ALG6: variants seen among roughly 807,000 people sequenced by gnomAD.
ALG6 encodes dolichyl pyrophosphate Man9GlcNAc2 alpha-1,3-glucosyltransferase.
ALG6 carries 46 observed loss-of-function variants against 66.6 expected under a neutral mutation model. The ratio of observed to expected loss-of-function variants is 0.69; its 90% CI spans 0.55 to 0.88. ALG6 has a LOEUF of 0.88. ALG6 is among the 40% of genes least tolerant of loss of function. The pLI, the probability that ALG6 is intolerant of heterozygous loss-of-function variation, is 0.00. For missense variants in ALG6, 505 were observed against 586.8 expected (o/e 0.86, Z 1.44); for synonymous variants, 185 against 203.7 (o/e 0.91, Z 0.78).
At chr1:63,420,407 A>G (rs890333065) in intron 12 of ALG6, among the ~76,000 whole-genome samples, 3 of 152,182 alleles carry the variant, frequency 2.0e-5, no homozygotes, top group Non-Finnish European at 2.9e-5. Context: ...CAGAATTTAT[A>G]CTCATAGAAA....
intron 12 of ALG6, among the ~76,000 whole-genome samples, chr1:63,427,167 ATTTTTTT>A (rs534868219): frequency 3.0e-5 from 4 of 134,294 alleles, no homozygotes; most frequent in African/African-American, 8.3e-5. Context: ...TGTCCAGCTA[ATTTTTTT>A]TTTTTTTTTT....
At chr1:63,431,234 A>G (rs1644643653) in intron 14 of ALG6, among the ~76,000 whole-genome samples, 1 of 152,070 alleles carries the variant, frequency 6.6e-6, no homozygotes, top group African/African-American at 2.4e-5. Context: ...TGTTTACTGT[A>G]GCTTTGTAGT....
chr1:63,368,501 C>CT (rs869085139), intron 1 of ALG6, among the ~76,000 whole-genome samples: 2,284 of 145,812 alleles, frequency 0.016, 20 homozygotes, highest in Non-Finnish European at 0.022. Flanking sequence ...TCCTTTTACA[C>CT]TTTTTTTTTT....
rs1214113317 is a variant in ALG6, at chr1:63,400,323, A to G, written c.168-1931A>G. On this transcript the variant is annotated intron_variant, in intron 3 of 14. Transcript: ENST00000263440. The stretch of plus-strand genomic sequence containing the variant: ...TATATATATGTATATATATATACGT[A>G]TATATATATATACGTATATATATAT... Among the ~76,000 whole-genome samples, 34 of 33,606 alleles carry G rather than the reference A, an allele frequency of 1.0e-3. 9 individuals are homozygous for G. In the South Asian group the frequency reaches 0.032, roughly 32 times the overall value. The allele number at this position is 33,606 out of a possible 152,430, so 22.0% of individuals were successfully genotyped here.
At position 63,436,596 on chromosome 1, in the gene ALG6, A is replaced by G. The variant is rs372631498; in HGVS notation, c.1327-227A>G. 5.0e-4 allele frequency among the ~76,000 whole-genome samples: 76 copies of G among 152,224 alleles called. No homozygotes were observed. In the South Asian group the frequency reaches 0.015, roughly 30 times the overall value. ...ATGGGAATCACTTGGAGAGCTTTAA[A>G]AAGTACTGAGGCCTGATTTAATTGG... On this transcript the variant is annotated intron_variant, in intron 14 of 14. Transcript: ENST00000263440.
intron 2 of ALG6, among the ~76,000 whole-genome samples, chr1:63,394,648 G>A (rs1053709261): frequency 1.3e-5 from 2 of 152,028 alleles, no homozygotes; most frequent in African/African-American, 2.4e-5. Flanking sequence ...GATTACAGGC[G>A]TGAGCCACCA....
intron 2 of ALG6, among the ~76,000 whole-genome samples, chr1:63,371,556 T>C (rs1188861558): frequency 6.6e-6 from 1 of 152,146 alleles, no homozygotes; most frequent in Non-Finnish European, 1.5e-5. Flanking sequence ...CTTCTAAAAA[T>C]ACAAGATGAA....
At chr1:63,379,419 C>G (rs1360042115) in intron 2 of ALG6, among the ~76,000 whole-genome samples, 1 of 152,178 alleles carries the variant, frequency 6.6e-6, no homozygotes, top group East Asian at 1.9e-4. Flanking sequence ...TACCAGGAGC[C>G]AAGGCCGAGA....
At position 63,422,327 on chromosome 1, in the gene ALG6, ATATC is replaced by A. The variant is rs1220335028; in HGVS notation, c.1058+2891_1058+2894del. On this transcript the variant is annotated intron_variant, in intron 12 of 14. Transcript: ENST00000263440. ...TAAATATATATCTATATATGAATAT[ATATC>A]TATAGGAATATAAATATATATCTAT... Among the ~76,000 whole-genome samples, 57 of 118,116 alleles carry A rather than the reference ATATC, an allele frequency of 4.8e-4. 8 individuals are homozygous for A. Among genetic ancestry groups the A allele is most frequent in the African/African-American group, 1.5e-3 (43 of 29,340 alleles). The allele number at this position is 118,116 out of a possible 152,430, so 77.5% of individuals were successfully genotyped here.
Position 63,435,264 on chromosome 1 carries a change from G to A in ALG6, c.1327-1559G>A, listed in dbSNP as rs535796036. Among the ~76,000 whole-genome samples, 6 of 152,272 alleles carry A rather than the reference G, an allele frequency of 3.9e-5. No homozygotes were observed. The East Asian group carries it at 9.6e-4, about 24-fold the overall frequency. ...TTCTGTTTAACACTGACTCAAGATC[G>A]TGGTATTATGACATTTCAACCAGTC... On this transcript the variant is annotated intron_variant, in intron 14 of 14. Coordinates refer to ENST00000263440, the MANE Select transcript of ALG6 (RefSeq NM_013339.4).
At chr1:63,372,350 GATATATACACAGACACAT>G (rs1647956126) in intron 2 of ALG6, among the ~76,000 whole-genome samples, 1 of 152,090 alleles carries the variant, frequency 6.6e-6, no homozygotes, top group South Asian at 2.1e-4. Flanking sequence ...TAAGAGCTAT[GATATATACACAGACACAT>G]ATATATACAC....
At chr1:63,415,844 C>T (rs974511702) in intron 10 of ALG6, 29 bp from the exon 11 acceptor site, 2 of 1,465,570 alleles carry the variant, frequency 1.4e-6, no homozygotes, top group Non-Finnish European at 1.9e-6. Context: ...ACAAAGAAGA[C>T]AAATATTTGA....
At chr1:63,399,471 G>A (rs1370968068) in intron 3 of ALG6, among the ~76,000 whole-genome samples, 3 of 152,152 alleles carry the variant, frequency 2.0e-5, no homozygotes, top group East Asian at 3.8e-4. Flanking sequence ...TGTCTACCAC[G>A]ACAGTATAGC....
chr1:63,398,639 A>AT (rs373335834), intron 3 of ALG6, among the ~76,000 whole-genome samples: 5,037 of 150,660 alleles, frequency 0.033, 112 homozygotes, highest in Middle Eastern at 0.051. Context: ...CGCCTGGCTA[A>AT]TTTTTTTTTG....
intron 2 of ALG6, among the ~76,000 whole-genome samples, chr1:63,393,211 C>T (rs952825430): frequency 2.0e-5 from 3 of 152,198 alleles, no homozygotes; most frequent in Admixed American, 2.0e-4. Context: ...ATATCCCTCC[C>T]TGCCCCCAAT....
intron 12 of ALG6, among the ~76,000 whole-genome samples, chr1:63,420,228 A>C (rs569024744): frequency 6.6e-6 from 1 of 152,268 alleles, no homozygotes; most frequent in African/African-American, 2.4e-5. Context: ...AAACAGTCTC[A>C]TATCATTGTA....
chr1:63,371,446 G>A (rs1647921626), intron 2 of ALG6, among the ~76,000 whole-genome samples: 2 of 152,136 alleles, frequency 1.3e-5, no homozygotes, highest in African/African-American at 4.8e-5. Flanking sequence ...GAATGAGAGA[G>A]GGGGAATTGA....
intron 3 of ALG6, among the ~76,000 whole-genome samples, chr1:63,399,939 G>A (rs7534670): frequency 0.36 from 54,130 of 151,018 alleles, 9,932 homozygotes; most frequent in East Asian, 0.48. Flanking sequence ...GCTTACGCCT[G>A]TAATCCCAGC....
Position 63,436,939 on chromosome 1 carries a change from C to A in ALG6, c.1443C>A (p.Asn481Lys). ...SVLVCFVSCL[N>K]FLFFLVYFNI... ...TGGTGTGTTTTGTATCTTGCTTGAA[C>A]TTCCTGTTCTTCTTGGTATACTTTA... The change falls in exon 15 of 15, where the codon AAC becomes AAA. Residue 481 changes from asparagine to lysine, a missense_variant. Asn to Lys is a moderately conservative substitution (Grantham distance 94). Transcript: ENST00000263440. 2 of 1,613,758 alleles carry A rather than the reference C, an allele frequency of 1.2e-6. No homozygotes were observed. The highest frequency in any genetic ancestry group is 1.7e-6 in the Non-Finnish European group (2 of 1,179,756).
Sources: allele counts gnomAD v4.1 joint callset (sites outside exome capture counted in the v4.1 genomes callset), GRCh38; gene constraint gnomAD v4.1.1; transcripts MANE v1.5; gene names NCBI Gene and HGNC (gene_info 2026-07-23, HGNC 2026-07-21).